Variants in IREB2 observed in about 807,000 individuals in gnomAD.
The protein encoded by IREB2 is iron-responsive element-binding protein 2.
In IREB2, 39 loss-of-function variants were observed where a neutral mutation model predicts 118.8. That is an observed-to-expected ratio of 0.33 (90% CI 0.25 to 0.43). The LOEUF is 0.43. Ranked by LOEUF, IREB2 falls within the 20% of genes least tolerant of loss-of-function variation. The pLI, the probability that IREB2 is intolerant of heterozygous loss-of-function variation, is 1.00. For missense variants in IREB2, 900 were observed against 1,147.3 expected, an observed-to-expected ratio of 0.78 and a Z score of 3.11; for synonymous variants, 372 against 392.2, an observed-to-expected ratio of 0.95 and a Z score of 0.61.
chr15:78,485,687 T>G lies in IREB2; in HGVS notation c.1574-18T>G, dbSNP rs2051647642. 6.2e-7 allele frequency: 1 copy of G among 1,608,986 alleles called. No individual in the cohort carries two copies. The highest frequency in any genetic ancestry group is 8.5e-7 in the Non-Finnish European group (1 of 1,177,666). On this transcript the variant is annotated intron_variant, in intron 12 of 21. Transcript: ENST00000258886. ...AAGAAACATTGCCATAATAAATCATTGTTTGTTGGCTGTGCAGGTCTTTTG... is the reference window on the plus strand; with the variant it reads ...AAGAAACATTGCCATAATAAATCATGGTTTGTTGGCTGTGCAGGTCTTTTG...
At chr15:78,493,753 T>C (rs1278290903) in intron 18 of IREB2, among the ~76,000 whole-genome samples, 156 bp from the exon 19 acceptor site, 4 of 152,222 alleles carry the variant, frequency 2.6e-5, no homozygotes, top group Non-Finnish European at 5.9e-5. Context: ...TGTTAAGTTA[T>C]AGCTTGGTGA....
intron 11 of IREB2, 75 bp from the exon 12 acceptor site, chr15:78,484,686 C>A: frequency 9.9e-7 from 1 of 1,010,922 alleles, no homozygotes; most frequent in Non-Finnish European, 1.5e-6. Context: ...CCGGTATCTG[C>A]TATGTTTTCT....
chr15:78,485,892 G>A (rs985276601), intron 13 of IREB2, 52 bp downstream of exon 13: 5 of 1,478,396 alleles, frequency 3.4e-6, no homozygotes, highest in Middle Eastern at 1.8e-4. Context: ...AGTAGGTACT[G>A]AAGCTGCTTG....
chr15:78,475,789 C>G (rs898560427), intron 8 of IREB2: 10 of 153,460 alleles, frequency 6.5e-5, no homozygotes, highest in African/African-American at 1.4e-4. Flanking sequence ...GTGTTGGAAG[C>G]TGCAGTGAGC....
At chr15:78,492,426 G>C (rs552535083) in intron 18 of IREB2, among the ~76,000 whole-genome samples, 54 of 150,030 alleles carry the variant, frequency 3.6e-4, no homozygotes, top group African/African-American at 1.2e-3. Context: ...AGACCATCAG[G>C]CTTCTGTCTA....
At chr15:78,461,658 A>G (rs1964678) in intron 2 of IREB2, among the ~76,000 whole-genome samples, 77,338 of 151,954 alleles carry the variant, frequency 0.51, 21,072 homozygotes, top group Non-Finnish European at 0.62. Flanking sequence ...CTCTCTGCAT[A>G]CTTCCTCCTC....
intron 5 of IREB2, 95 bp downstream of exon 5, chr15:78,466,584 T>A: frequency 2.5e-6 from 2 of 793,140 alleles, no homozygotes; most frequent in Non-Finnish European, 4.2e-6. Flanking sequence ...TACTATTATG[T>A]TACCTTCACA....
chr15:78,457,071 T>A (rs1176045965), intron 2 of IREB2, among the ~76,000 whole-genome samples: 1 of 152,232 alleles, frequency 6.6e-6, no homozygotes, highest in Non-Finnish European at 1.5e-5. Flanking sequence ...TAATGATGAT[T>A]GTATCTCATC....
At chr15:78,485,889 A>G in intron 13 of IREB2, 49 bp downstream of exon 13, 1 of 1,506,344 alleles carries the variant, frequency 6.6e-7, no homozygotes, top group South Asian at 1.2e-5. Context: ...TTCAGTAGGT[A>G]CTGAAGCTGC....
chr15:78,493,860 GA>G, intron 18 of IREB2, 48 bp from the exon 19 acceptor site: 2 of 1,565,618 alleles, frequency 1.3e-6, no homozygotes, highest in Non-Finnish European at 1.7e-6. Flanking sequence ...AATAGTATGT[GA>G]TTATTTTCCA....
Position 78,471,852 on chromosome 15 carries a change from C to G in IREB2, c.811C>G (p.Leu271Val), listed in dbSNP as rs267604332. 2.5e-6 allele frequency: 4 copies of G among 1,613,540 alleles called. No individual in the cohort carries two copies. The highest frequency in any genetic ancestry group is 3.4e-6 in the Non-Finnish European group (4 of 1,179,760). Reference sequence around the variant, plus strand: ...AGTGGTTTTTGAAGAAAAAGACCTCCTCTTCCCAGACAGTGTAGTCGGCAC... The same window carrying G: ...AGTGGTTTTTGAAGAAAAAGACCTCGTCTTCCCAGACAGTGTAGTCGGCAC... ...SRVVFEEKDLLFPDSVVGTDS... is the reference protein window; with the variant it reads ...SRVVFEEKDLVFPDSVVGTDS... Residue 271 changes from leucine (L) to valine (V), a missense_variant, in exon 7 of 22, where the codon CTC becomes GTC. Coordinates refer to ENST00000258886, the MANE Select transcript of IREB2 (RefSeq NM_004136.4).
chr15:78,446,227 G>A (rs558228478), intron 2 of IREB2, among the ~76,000 whole-genome samples: 2 of 152,174 alleles, frequency 1.3e-5, no homozygotes, highest in Non-Finnish European at 2.9e-5. Flanking sequence ...CAATGTAACA[G>A]TTTGCTTGTA....
chr15:78,470,053 A>G (rs139756180), intron 5 of IREB2, among the ~76,000 whole-genome samples: 220 of 152,328 alleles, frequency 1.4e-3, no homozygotes, highest in African/African-American at 4.7e-3. Context: ...TTGGTATGAG[A>G]TGAATGAAAG....
Position 78,499,596 on chromosome 15 carries a change from A to G in IREB2, c.*1453A>G, listed in dbSNP as rs2051904567. The stretch of plus-strand genomic sequence containing the variant: ...ACAATCTTTTGAAAATATTTTGCAA[A>G]TATGTGTTTAGACAATAAGATGGAC... On this transcript the variant is annotated 3_prime_UTR_variant, in exon 22 of 22. Coordinates refer to ENST00000258886, the MANE Select transcript of IREB2 (RefSeq NM_004136.4). 1.3e-5 allele frequency: 2 copies of G among 152,220 alleles called. No homozygotes were observed. Among genetic ancestry groups the G allele is most frequent in the Admixed American group, 6.5e-5 (1 of 15,286 alleles). 9.4% of individuals were successfully genotyped at this position (152,220 alleles called of 1,614,324 possible). A position where few individuals can be genotyped will look rare whatever the true frequency, so the allele number is the denominator to read the frequency against.
chr15:78,487,629 C>T, intron 13 of IREB2, 104 bp from the exon 14 acceptor site: 1 of 684,250 alleles, frequency 1.5e-6, no homozygotes, highest in East Asian at 2.7e-5. Flanking sequence ...CATGAATAGT[C>T]TTTTAAGTAA....
Position 78,488,206 on chromosome 15 carries a change from A to T in IREB2, c.1821A>T (p.Leu607Phe). Residue 607 changes from leucine (L) to phenylalanine (F), a missense_variant, in exon 15 of 22, where the codon TTA becomes TTT. Coordinates refer to ENST00000258886, the MANE Select transcript of IREB2 (RefSeq NM_004136.4). ...GTGATTTGGTTACCTGTGGAATTTTATCTGGAAACAAAAATTTTGAAGGTC... is the reference window on the plus strand; with the variant it reads ...GTGATTTGGTTACCTGTGGAATTTTTTCTGGAAACAAAAATTTTGAAGGTC... Reference protein sequence around the residue: ...KQGDLVTCGILSGNKNFEGRL... With the variant: ...KQGDLVTCGIFSGNKNFEGRL... 1 of 1,607,666 alleles carries T rather than the reference A, an allele frequency of 6.2e-7. No homozygotes were observed. Among genetic ancestry groups the T allele is most frequent in the Non-Finnish European group, 8.5e-7 (1 of 1,178,246 alleles).
rs537900101 is a variant in IREB2, at chr15:78,456,104, A to G, written c.107-6818A>G. Among the ~76,000 whole-genome samples, 14 of 152,324 alleles carry G rather than the reference A, an allele frequency of 9.2e-5. No individual in the cohort carries two copies. The South Asian group carries it at 2.7e-3, about 29-fold the overall frequency. ...GAAGGCTCACACTGTCATCTCTGCC[A>G]TACTCTAAATAGAGTCAGACAAGCA... On this transcript the variant is annotated intron_variant, in intron 2 of 21. Coordinates refer to ENST00000258886, the MANE Select transcript of IREB2 (RefSeq NM_004136.4).
intron 9 of IREB2, among the ~76,000 whole-genome samples, chr15:78,477,188 G>A (rs965386097): frequency 1.2e-4 from 18 of 152,270 alleles, no homozygotes; most frequent in East Asian, 1.2e-3. Context: ...GAAGTGCCTC[G>A]TTCCTTGCAT....
At position 78,441,633 on chromosome 15, in the gene IREB2, CAGT is replaced by C. The variant is rs1163865927; in HGVS notation, c.106+1755_106+1757del. On this transcript the variant is annotated intron_variant, in intron 2 of 21. Transcript: ENST00000258886. ...CCTAAATTTCTCAAATTTAAGGAAT[CAGT>C]AGGAAACTGTCAAAAACAACTGTAA... Among the ~76,000 whole-genome samples, 12 of 152,202 alleles carry C rather than the reference CAGT, an allele frequency of 7.9e-5. 1 individual carries two copies. The South Asian group carries it at 2.1e-3, about 26-fold the overall frequency.
Sources: allele counts gnomAD v4.1 joint callset (sites outside exome capture counted in the v4.1 genomes callset), GRCh38; gene constraint gnomAD v4.1.1; transcripts MANE v1.5; gene names NCBI Gene and HGNC (gene_info 2026-07-23, HGNC 2026-07-21).